HPSE2: variants seen among roughly 807,000 people sequenced by gnomAD.
HPSE2 encodes the protein inactive heparanase-2.
Under a neutral mutation model 60.5 loss-of-function variants are expected in HPSE2, and 38 were observed. The observed-to-expected ratio is 0.63, with a 90% CI of 0.48 to 0.82. The LOEUF (loss-of-function observed/expected upper bound fraction) is 0.82, where lower values mean the gene tolerates loss of function less well. HPSE2 is among the 40% of genes least tolerant of loss of function. The probability of loss-of-function intolerance (pLI) is 0.00; values close to 1 mark genes in which losing one functional copy is unlikely to be tolerated. For synonymous variants in HPSE2, 295 were observed against 293.2 expected (o/e 1.01, Z -0.06); for missense variants, 713 against 740.4 (o/e 0.96, Z 0.43).
intron 6 of HPSE2, among the ~76,000 whole-genome samples, chr10:98,681,275 TGA>T (rs773391254): frequency 4.4e-4 from 67 of 152,282 alleles, no homozygotes; most frequent in Non-Finnish European, 8.2e-4. Context: ...TCTGCCACCG[TGA>T]ACTTGTCAGC....
intron 9 of HPSE2, among the ~76,000 whole-genome samples, chr10:98,506,395 C>A (rs1942200970): frequency 6.6e-6 from 1 of 152,058 alleles, no homozygotes; most frequent in Admixed American, 6.6e-5. Context: ...CAGTGTTAAC[C>A]CCCAAACTTG....
At chr10:99,286,901 T>A in the HPSE2 span, among the ~76,000 whole-genome samples, 1 of 152,168 alleles carries the variant, frequency 6.6e-6, no homozygotes, top group South Asian at 2.1e-4. Flanking sequence ...ACTTTTATCA[T>A]CCCATTTTTT....
At chr10:98,803,479 A>G (rs961698293) in intron 3 of HPSE2, among the ~76,000 whole-genome samples, 1 of 151,550 alleles carries the variant, frequency 6.6e-6, no homozygotes, top group African/African-American at 2.4e-5. Context: ...TCTTTAATCC[A>G]TCTTGAATTA....
At chr10:98,940,180 A>C (rs1458520892) in intron 3 of HPSE2, among the ~76,000 whole-genome samples, 2 of 143,736 alleles carry the variant, frequency 1.4e-5, no homozygotes, top group Non-Finnish European at 3.0e-5. Context: ...GAACTAGAGA[A>C]GCAAGAACAA....
At chr10:98,509,512 C>CT (rs1942315915) in intron 9 of HPSE2, among the ~76,000 whole-genome samples, 1 of 150,510 alleles carries the variant, frequency 6.6e-6, no homozygotes, top group African/African-American at 2.4e-5. Context: ...TTTTTGCTTT[C>CT]TTTTTTTGAG....
chr10:99,314,360 G>A, the HPSE2 span, among the ~76,000 whole-genome samples: 13 of 151,652 alleles, frequency 8.6e-5, no homozygotes, highest in African/African-American at 2.7e-4. Context: ...ACAGGGTTTC[G>A]CCATATTGCC....
chr10:98,803,156 T>G (rs1189229151), intron 3 of HPSE2, among the ~76,000 whole-genome samples: 51 of 149,942 alleles, frequency 3.4e-4, no homozygotes, highest in East Asian at 6.1e-4. Context: ...TTGCCCACTT[T>G]TTGATGGCGT....
At chr10:98,726,999 C>T (rs2134271154) in intron 4 of HPSE2, among the ~76,000 whole-genome samples, 1 of 152,226 alleles carries the variant, frequency 6.6e-6, no homozygotes, top group South Asian at 2.1e-4. Context: ...TTAAGCAAAA[C>T]CTCTGATCAA....
At chr10:99,273,314 T>C in the HPSE2 span, among the ~76,000 whole-genome samples, 57,725 of 152,064 alleles carry the variant, frequency 0.38, 15,320 homozygotes, top group African/African-American at 0.76. Context: ...ATGGCTACAG[T>C]GTACACTGTT....
chr10:98,721,863 A>G (rs1948934758), intron 4 of HPSE2, 35 bp from the exon 5 acceptor site: 1 of 1,587,872 alleles, frequency 6.3e-7, no homozygotes, highest in South Asian at 1.1e-5. Flanking sequence ...TCAGAATGAG[A>G]AGTGTAAGGT....
the HPSE2 span, among the ~76,000 whole-genome samples, chr10:99,313,102 C>G: frequency 2.0e-5 from 3 of 152,302 alleles, no homozygotes; most frequent in African/African-American, 7.2e-5. Flanking sequence ...TCCTGTAAAG[C>G]CTGCAAAACT....
chr10:99,092,865 G>A (rs1283008196), intron 3 of HPSE2, among the ~76,000 whole-genome samples: 7 of 152,212 alleles, frequency 4.6e-5, no homozygotes, highest in East Asian at 1.9e-4. Flanking sequence ...GTTGACTTCC[G>A]AGAATCTAAA....
intron 3 of HPSE2, among the ~76,000 whole-genome samples, chr10:98,980,514 A>G (rs190969955): frequency 3.3e-5 from 5 of 152,318 alleles, no homozygotes; most frequent in African/African-American, 9.6e-5. Flanking sequence ...GACATACAGA[A>G]AACAGAAGTG....
chr10:99,296,594 C>T, the HPSE2 span, among the ~76,000 whole-genome samples: 1 of 152,326 alleles, frequency 6.6e-6, no homozygotes, highest in East Asian at 1.9e-4. Context: ...TTTAATAATG[C>T]TGTTTTCTTC....
At chr10:98,511,349 A>G (rs11595503) in intron 9 of HPSE2, among the ~76,000 whole-genome samples, 1 of 152,020 alleles carries the variant, frequency 6.6e-6, no homozygotes, top group African/African-American at 2.4e-5. Context: ...ACAGGGTTTC[A>G]CCGTGTTAGC....
At chr10:98,550,445 C>CA (rs1465569785) in intron 9 of HPSE2, among the ~76,000 whole-genome samples, 2 of 151,652 alleles carry the variant, frequency 1.3e-5, no homozygotes, top group Non-Finnish European at 2.9e-5. Flanking sequence ...AGGTGCAGGC[C>CA]ACCACACCTG....
chr10:99,001,611 A>G (rs1309511857), intron 3 of HPSE2, among the ~76,000 whole-genome samples: 11 of 152,164 alleles, frequency 7.2e-5, no homozygotes, highest in Non-Finnish European at 1.3e-4. Flanking sequence ...AACTACTGAC[A>G]GAAAAGATAC....
intron 4 of HPSE2, among the ~76,000 whole-genome samples, chr10:98,725,428 C>T (rs962010998): frequency 1.3e-5 from 2 of 152,176 alleles, no homozygotes; most frequent in Non-Finnish European, 2.9e-5. Context: ...GGAAAACTGG[C>T]TAGCCTTATG....
chr10:99,096,101 A>G (rs1843709490), intron 3 of HPSE2, among the ~76,000 whole-genome samples: 1 of 152,206 alleles, frequency 6.6e-6, no homozygotes, highest in African/African-American at 2.4e-5. Flanking sequence ...CATAAAGTTC[A>G]TATATTCCTT....
Sources: gnomAD v4.1 joint callset for allele counts (sites outside exome capture counted in the v4.1 genomes callset) on GRCh38, gnomAD v4.1.1 for gene constraint, MANE v1.5 for transcripts, NCBI Gene and HGNC (gene_info 2026-07-23, HGNC 2026-07-21) for gene names.